MROH1: variants seen among roughly 807,000 people sequenced by gnomAD.
MROH1 encodes the protein maestro heat like repeat family member 1.
MROH1 carries 117 observed loss-of-function variants against 116.5 expected under a neutral mutation model. The ratio of observed to expected loss-of-function variants is 1.00; its 90% CI spans 0.86 to 1.17. The LOEUF (loss-of-function observed/expected upper bound fraction) is 1.17, where lower values mean the gene tolerates loss of function less well. MROH1 is among the 50% of genes most tolerant of loss of function. MROH1 has a pLI of 0.00. For missense variants in MROH1, 1,873 were observed against 1,338.5 expected (o/e 1.40, Z -6.23); for synonymous variants, 921 against 583.9 (o/e 1.58, Z -8.32).
At chr8:144,209,363 G>A (rs1192077977) in intron 12 of MROH1, among the ~76,000 whole-genome samples, 1 of 151,494 alleles carries the variant, frequency 6.6e-6, no homozygotes, top group Non-Finnish European at 1.5e-5. Flanking sequence ...GGCGGATCAC[G>A]AGGTTAGGAG....
At chr8:144,227,453 T>C (rs1838019756) in intron 14 of MROH1, among the ~76,000 whole-genome samples, 1 of 152,016 alleles carries the variant, frequency 6.6e-6, no homozygotes, top group Non-Finnish European at 1.5e-5. Context: ...AAAACCAGCC[T>C]GGACAATCTG....
chr8:144,162,105 G>GA (rs1360800277), intron 2 of MROH1, among the ~76,000 whole-genome samples: 1 of 130,890 alleles, frequency 7.6e-6, no homozygotes, highest in East Asian at 2.3e-4. Flanking sequence ...TTTTTTTTAA[G>GA]ACAGAGTCTC....
At chr8:144,164,124 G>T (rs1204348811) in intron 3 of MROH1, among the ~76,000 whole-genome samples, 2 of 150,406 alleles carry the variant, frequency 1.3e-5, no homozygotes, top group Non-Finnish European at 3.0e-5. Flanking sequence ...GACAGGGTCG[G>T]CTGGGCACAG....
intron 12 of MROH1, chr8:144,213,406 A>G: frequency 3.4e-6 from 1 of 298,394 alleles, no homozygotes; most frequent in East Asian, 5.6e-5. Context: ...AAGTTATTCC[A>G]TATTCTTCTG....
At chr8:144,255,910 A>AT (rs1843661932) in intron 35 of MROH1, among the ~76,000 whole-genome samples, 1 of 151,892 alleles carries the variant, frequency 6.6e-6, no homozygotes, top group Non-Finnish European at 1.5e-5. Flanking sequence ...ACTGGCTGTG[A>AT]AGGCCTCCCT....
At chr8:144,157,180 A>T (rs1404467438) in intron 1 of MROH1, among the ~76,000 whole-genome samples, 1 of 151,930 alleles carries the variant, frequency 6.6e-6, no homozygotes, top group Non-Finnish European at 1.5e-5. Flanking sequence ...CTGGTCTCGA[A>T]CTCCTGACCT....
chr8:144,242,528 G>A lies in MROH1; in HGVS notation c.2325+13G>A, dbSNP rs1841182685. ...CTTCAGCACCAAGGTGGGCACTGCG[G>A]TGGGCCTGCCACGCAGGGGAGCTGG... On this transcript the variant is annotated intron_variant, in intron 23 of 43. Coordinates refer to ENST00000326134, the MANE Select transcript of MROH1 (RefSeq NM_032450.3). The A allele has an allele frequency of 1.3e-6, 1 of 780,486 alleles. No homozygotes were observed. 48.3% of individuals were successfully genotyped at this position (780,486 alleles called of 1,614,324 possible).
chr8:144,210,730 TTA>T (rs1833929232), intron 12 of MROH1, among the ~76,000 whole-genome samples: 1 of 152,014 alleles, frequency 6.6e-6, no homozygotes, highest in Admixed American at 6.6e-5. Flanking sequence ...ACATTCAAAT[TTA>T]TATAGAGATA....
intron 14 of MROH1, among the ~76,000 whole-genome samples, chr8:144,232,789 G>A (rs1268065030): frequency 6.9e-6 from 1 of 145,460 alleles, no homozygotes; most frequent in African/African-American, 2.6e-5. Context: ...CACCGCACCT[G>A]GCCTATTTAT....
chr8:144,220,908 C>G (rs531028417), intron 13 of MROH1, among the ~76,000 whole-genome samples: 1 of 152,196 alleles, frequency 6.6e-6, no homozygotes, highest in Admixed American at 6.5e-5. Context: ...TATAGGCCCG[C>G]GGGTCCCTAG....
intron 12 of MROH1, among the ~76,000 whole-genome samples, chr8:144,219,274 G>A (rs1836207808): frequency 6.6e-6 from 1 of 151,906 alleles, no homozygotes; most frequent in African/African-American, 2.4e-5. Context: ...CGCCCGTCTC[G>A]GCCTCCCAGA....
chr8:144,217,760 C>T (rs549748131), intron 12 of MROH1, among the ~76,000 whole-genome samples: 2 of 152,354 alleles, frequency 1.3e-5, no homozygotes, highest in South Asian at 2.1e-4. Flanking sequence ...TGCGTGACCA[C>T]ACCTGCCTAA....
chr8:144,246,980 C>G (rs1842026296), intron 29 of MROH1, among the ~76,000 whole-genome samples: 1 of 152,258 alleles, frequency 6.6e-6, no homozygotes. Flanking sequence ...CTCCTCACCC[C>G]AGTTGTCCGT....
At chr8:144,222,374 C>T (rs1019957135) in intron 13 of MROH1, among the ~76,000 whole-genome samples, 8 of 152,084 alleles carry the variant, frequency 5.3e-5, no homozygotes, top group Admixed American at 2.6e-4. Flanking sequence ...GCAAAGGGAA[C>T]TGGAGGAGAA....
intron 12 of MROH1, among the ~76,000 whole-genome samples, chr8:144,216,431 A>C (rs1232904377): frequency 6.6e-6 from 1 of 152,148 alleles, no homozygotes; most frequent in East Asian, 1.9e-4. Context: ...CCGAGATCGC[A>C]CCACTCCATT....
chr8:144,163,863 A>C lies in MROH1; in HGVS notation c.22+15A>C. ...CTCCATGAAGAGTGAGTGCATGGGG[A>C]TTGGGAGTGGCCGGGTGTGAGGCCT... On this transcript the variant is annotated intron_variant, in intron 3 of 43. Coordinates refer to ENST00000326134, the MANE Select transcript of MROH1 (RefSeq NM_032450.3). This position sits in a 1 kb window ranked among gnomAD's most constrained non-coding sequence, Gnocchi z 4.4. 6.2e-7 allele frequency: 1 copy of C among 1,613,240 alleles called. No homozygotes were observed. Among genetic ancestry groups the C allele is most frequent in the South Asian group, 1.1e-5 (1 of 91,006 alleles).
chr8:144,248,965 C>G lies in MROH1; in HGVS notation c.3209C>G (p.Ser1070Cys). 2 of 745,730 alleles carry G rather than the reference C, an allele frequency of 2.7e-6. No homozygotes were observed. The highest frequency in any genetic ancestry group is 1.9e-5 in the Admixed American group (1 of 53,606). The allele number at this position is 745,730 out of a possible 1,614,324, so 46.2% of individuals were successfully genotyped here. The change falls in exon 32 of 44, where the codon TCC (serine) becomes TGC (cysteine). Residue 1070 changes from serine (S) to cysteine (C), a missense_variant. Transcript: ENST00000326134. ...EALGDPEKNCSRAATVMINCL... is the reference protein window; with the variant it reads ...EALGDPEKNCCRAATVMINCL... ...CTGGGAGACCCCGAAAAGAACTGCTCCCGAGCAGCTACCGTCATGATCAAC... is the reference window on the plus strand; with the variant it reads ...CTGGGAGACCCCGAAAAGAACTGCTGCCGAGCAGCTACCGTCATGATCAAC...
In MROH1 at chr8:144,174,810, C is replaced by T. The variant is rs1823415338; in HGVS notation, c.169-4645C>T. On this transcript the variant is annotated intron_variant, in intron 4 of 43. Coordinates refer to ENST00000326134, the MANE Select transcript of MROH1 (RefSeq NM_032450.3). Reference sequence around the variant, plus strand: ...ATCCATTTTTTGTAAAATGTAGATTCCTATGCCTTTTTCATGGGTTCCTAT... The same window carrying T: ...ATCCATTTTTTGTAAAATGTAGATTTCTATGCCTTTTTCATGGGTTCCTAT... The T allele has an allele frequency of 5.1e-6, 5 of 984,980 alleles. No homozygotes were observed. The South Asian group carries it at 2.4e-4, about 46-fold the overall frequency. 61.0% of individuals were successfully genotyped at this position (984,980 alleles called of 1,614,324 possible).
intron 14 of MROH1, among the ~76,000 whole-genome samples, chr8:144,236,313 G>A (rs1017494040): frequency 3.3e-5 from 5 of 152,162 alleles, no homozygotes; most frequent in African/African-American, 1.2e-4. Flanking sequence ...TTTCAGTGTT[G>A]ATCTTGTTAG....
Sources: gnomAD v4.1 joint callset for allele counts (sites outside exome capture counted in the v4.1 genomes callset) on GRCh38, gnomAD v4.1.1 for gene constraint, Gnocchi (gnomAD v3.1) non-coding constraint, MANE v1.5 for transcripts, NCBI Gene and HGNC (gene_info 2026-07-23, HGNC 2026-07-21) for gene names.